The following VSIG10L variants were observed in gnomAD, a reference collection of about 807,000 sequenced individuals.
VSIG10L encodes V-set and immunoglobulin domain containing 10 like.
In VSIG10L, 63 loss-of-function variants were observed where a neutral mutation model predicts 67.3. That is an observed-to-expected ratio of 0.94 (90% confidence interval 0.76 to 1.15). VSIG10L has a LOEUF of 1.15. Ranked by LOEUF, VSIG10L falls within the 50% of genes most tolerant of loss-of-function variation. The pLI, the probability that VSIG10L is intolerant of heterozygous loss-of-function variation, is 0.00. For missense variants in VSIG10L, 1,050 were observed against 1,177.5 expected, an observed-to-expected ratio of 0.89 and a Z score of 1.58; for synonymous variants, 499 against 524.9, an observed-to-expected ratio of 0.95 and a Z score of 0.67.
In VSIG10L at chr19:51,340,645, C is replaced by A. The variant is rs1985613708; in HGVS notation, c.977G>T (p.Gly326Val). The A allele has an allele frequency of 6.5e-7, 1 of 1,533,126 alleles. No individual in the cohort carries two copies. The highest frequency in any genetic ancestry group is 1.4e-5 in the African/African-American group (1 of 73,030). 95.0% of individuals were successfully genotyped at this position (1,533,126 alleles called of 1,614,324 possible). Residue 326 changes from glycine (G) to valine (V), a missense_variant, in exon 3 of 10, where the codon GGG becomes GTG. By Grantham distance (109) the Gly-to-Val change is moderately radical (BLOSUM62 -3). Transcript: ENST00000335624. This position sits in a 1 kb window ranked among gnomAD's most constrained non-coding sequence, Gnocchi z 6.3. ...GAAELRLRCL[G>V]WGPGRGELSW... ...CAGCTCCCCGCGACCTGGCCCCCAC[C>A]CCAGGCAGCGCAGCCGGAGCTCGGC... is the stretch of plus-strand genomic sequence containing the variant.
Position 51,342,061 on chromosome 19 carries a change from G to C in VSIG10L, c.40+24C>G, listed in dbSNP as rs1985655212. The C allele has an allele frequency of 6.4e-7, 1 of 1,551,658 alleles. No homozygotes were observed. The highest frequency in any genetic ancestry group is 2.0e-5 in the Admixed American group (1 of 50,992). On this transcript the variant is annotated intron_variant, in intron 1 of 9. Transcript: ENST00000335624. This position sits in a 1 kb window ranked among gnomAD's most constrained non-coding sequence, Gnocchi z 4.4. ...GAGGCTGCTGAGGGAGACTGACAGG[G>C]AAGGGACTGAGCAGGGAACTTACCC...
At chr19:51,339,533 A>T in intron 4 of VSIG10L, 1 of 236,438 alleles carries the variant, frequency 4.2e-6, no homozygotes, top group Non-Finnish European at 8.1e-6. Context: ...TTTCTAAGAC[A>T]ATTCTGCCCG....
Position 51,332,090 on chromosome 19 carries a change from C to T in VSIG10L, c.*521G>A, listed in dbSNP as rs973503037. The T allele has an allele frequency of 1.2e-5, 2 of 166,798 alleles. No individual in the cohort carries two copies. The highest frequency in any genetic ancestry group is 1.4e-4 in the South Asian group (1 of 7,298). 10.3% of individuals were successfully genotyped at this position (166,798 alleles called of 1,614,324 possible). ...GTCAGGGAGGCCAACAGAGGCCAGA[C>T]CACAAGGTTTTGAAGGTCACGACGA... On this transcript the variant is annotated 3_prime_UTR_variant, in exon 10 of 10. Transcript: ENST00000335624.
Position 51,333,793 on chromosome 19 carries a change from G to C in VSIG10L, c.2572C>G (p.Gln858Glu), listed in dbSNP as rs1599831765. The change falls in exon 9 of 10, where the codon CAA becomes GAA. Residue 858 changes from glutamine to glutamate, a missense_variant and splice_region_variant. By Grantham distance (29) the Gln-to-Glu change is conservative. Coordinates refer to ENST00000335624, the MANE Select transcript of VSIG10L (RefSeq NM_001163922.3). ...GAAATGAGGGCACCCACACTCACTT[G>C]GTAGGCCCTAGTTGAGCTGTGGTCC... ...LEDHSSTRAY[Q>E]AQTPVQLSL The C allele has an allele frequency of 1.3e-6, 2 of 1,543,458 alleles. No individual in the cohort carries two copies. Among genetic ancestry groups the C allele is most frequent in the Non-Finnish European group, 1.7e-6 (2 of 1,144,092 alleles).
intron 8 of VSIG10L, 30 bp downstream of exon 8, chr19:51,334,161 G>A (rs775049125): frequency 4.5e-6 from 7 of 1,549,436 alleles, no homozygotes; most frequent in Non-Finnish European, 6.1e-6. Flanking sequence ...CGTTGGTCAT[G>A]GTTGCCCCTT....
rs6509526 is a variant in VSIG10L, at chr19:51,332,540, G to A, written c.*71C>T. On this transcript the variant is annotated 3_prime_UTR_variant, in exon 10 of 10. Transcript: ENST00000335624. The stretch of plus-strand genomic sequence containing the variant: ...GAAATAGGAAGTTCTGGCCCAAAAC[G>A]CCCTGTGCAGGGCAGACCACTGGCT... The A allele has an allele frequency of 1.5e-3, 2,331 of 1,530,060 alleles. 27 individuals carry two copies. In the African/African-American group the frequency reaches 0.027, roughly 18 times the overall value. The allele number at this position is 1,530,060 out of a possible 1,614,324, so 94.8% of individuals were successfully genotyped here. A position where few individuals can be genotyped will look rare whatever the true frequency, so the allele number is the denominator to read the frequency against.
At position 51,333,864 on chromosome 19, in the gene VSIG10L, G is replaced by T; in HGVS notation, c.2501C>A (p.Thr834Asn). The T allele has an allele frequency of 6.4e-7, 1 of 1,551,716 alleles. No homozygotes were observed. The highest frequency in any genetic ancestry group is 1.2e-5 in the South Asian group (1 of 84,062). ...TPSEKKMHSV[T>N]PVEISWPLDL... ...CAGAGGCCATGAAATCTCCACTGGG[G>T]TCACACTATGCATCTTCTTTTCTGA... is the stretch of plus-strand genomic sequence containing the variant. Residue 834 changes from threonine to asparagine, a missense_variant, in exon 9 of 10, where the codon ACC (threonine) becomes AAC (asparagine). By Grantham distance (65) the Thr-to-Asn change is moderately conservative. Around this residue, in one of 3 missense-constraint regions of VSIG10L, gnomAD observed 529 missense variants for 584.9 expected, o/e 0.90. Coordinates refer to ENST00000335624, the MANE Select transcript of VSIG10L (RefSeq NM_001163922.3).
chr19:51,339,945 T>A, intron 4 of VSIG10L, 70 bp downstream of exon 4: 13 of 1,058,334 alleles, frequency 1.2e-5, no homozygotes, highest in South Asian at 8.0e-5. Flanking sequence ...GCCCCTTTCC[T>A]CTAGCCCCGC....
intron 4 of VSIG10L, among the ~76,000 whole-genome samples, chr19:51,339,451 C>T (rs1409598295): frequency 1.3e-5 from 2 of 152,190 alleles, no homozygotes; most frequent in Non-Finnish European, 2.9e-5. Flanking sequence ...ACTTCGCCCC[C>T]TCCTGGATTG....
In VSIG10L at chr19:51,342,119, G is replaced by A; in HGVS notation, c.6C>T (p.Asp2=). ...GGAAGAGTGGCAGAGCCTGTGGGTT[G>A]TCCATGGTGCTGGCCTCACTGAAAG... M[D]NPQALPLFLL... The change falls in exon 1 of 10, where the codon GAC becomes GAT. Residue 2 remains aspartate (D), a synonymous_variant. Transcript: ENST00000335624. This position sits in a 1 kb window ranked among gnomAD's most constrained non-coding sequence, Gnocchi z 4.4. 3 of 1,551,584 alleles carry A rather than the reference G, an allele frequency of 1.9e-6. No individual in the cohort carries two copies. The highest frequency in any genetic ancestry group is 1.2e-5 in the South Asian group (1 of 84,066).
chr19:51,340,039 A>AGCGGCG lies in VSIG10L; in HGVS notation c.1444_1449dup (p.Arg482_Arg483dup). ...CCCGCCACTGTAAGGTTGAGCAGCGAGCGGCGGCGGCGGCCGGTACGCGGG... is the reference window on the plus strand; with the variant it reads ...CCCGCCACTGTAAGGTTGAGCAGCGAGCGGCGGCGGCGGCGGCGGCCGGTACGCGGG... On this transcript the variant is annotated inframe_insertion, in exon 4 of 10. Transcript: ENST00000335624. This position sits in a 1 kb window ranked among gnomAD's most constrained non-coding sequence, Gnocchi z 6.3. 1 of 1,436,706 alleles carries AGCGGCG rather than the reference A, an allele frequency of 7.0e-7. No homozygotes were observed. 89.0% of individuals were successfully genotyped at this position (1,436,706 alleles called of 1,614,324 possible).
At position 51,342,091 on chromosome 19, in the gene VSIG10L, G is replaced by T; in HGVS notation, c.34C>A (p.Leu12Ile). ...GACTGAGCAGGGAACTTACCCAGGAGTAGGAAGAGTGGCAGAGCCTGTGGG... is the reference window on the plus strand; with the variant it reads ...GACTGAGCAGGGAACTTACCCAGGATTAGGAAGAGTGGCAGAGCCTGTGGG... ...DNPQALPLFL[L>I]LASLVGILTL... The change falls in exon 1 of 10, where the codon CTC becomes ATC. Residue 12 changes from leucine (L) to isoleucine (I), a missense_variant. Physicochemically the swap from Leu to Ile is conservative, Grantham distance 5. Transcript: ENST00000335624. This position sits in a 1 kb window ranked among gnomAD's most constrained non-coding sequence, Gnocchi z 4.4. 1.3e-6 allele frequency: 2 copies of T among 1,551,726 alleles called. No homozygotes were observed. Among genetic ancestry groups the T allele is most frequent in the Non-Finnish European group, 1.7e-6 (2 of 1,147,004 alleles).
chr19:51,332,028 C>A lies in VSIG10L; in HGVS notation c.*583G>T. 6.3e-6 allele frequency: 1 copy of A among 157,556 alleles called. No homozygotes were observed. The allele number at this position is 157,556 out of a possible 1,614,324, so 9.8% of individuals were successfully genotyped here. On this transcript the variant is annotated 3_prime_UTR_variant, in exon 10 of 10. Transcript: ENST00000335624. ...TGTGGCTGAGAGACAGACTGTGATA[C>A]TGGAGTCCGGGGGCAGAGAAAGAAT...
chr19:51,340,863 G>A lies in VSIG10L; in HGVS notation c.896-137C>T, dbSNP rs1985619103. On this transcript the variant is annotated intron_variant, in intron 2 of 9. Coordinates refer to ENST00000335624, the MANE Select transcript of VSIG10L (RefSeq NM_001163922.3). The surrounding 1 kb of genome is among the most constrained non-coding windows in gnomAD (Gnocchi z 6.3). ...CATCCCTCTCCTCTCATAAACCTAT[G>A]AGTTTGAGCCCCCAGACACCTCCTC... The A allele has an allele frequency of 8.4e-7, 1 of 1,195,990 alleles. No homozygotes were observed. Among genetic ancestry groups the A allele is most frequent in the Non-Finnish European group, 1.1e-6 (1 of 900,630 alleles). 74.1% of individuals were successfully genotyped at this position (1,195,990 alleles called of 1,614,324 possible). A position where few individuals can be genotyped will look rare whatever the true frequency, so the allele number is the denominator to read the frequency against.
At chr19:51,338,274 A>T in intron 5 of VSIG10L, 66 bp from the exon 6 acceptor site, 1 of 1,428,884 alleles carries the variant, frequency 7.0e-7, no homozygotes, top group Admixed American at 3.0e-5. Flanking sequence ...AACAGATCCT[A>T]TGCCCTACTT....
At chr19:51,339,711 T>A (rs1985574997) in intron 4 of VSIG10L, 1 of 281,840 alleles carries the variant, frequency 3.5e-6, no homozygotes, top group East Asian at 6.3e-5. Context: ...TGCCCAGGAA[T>A]GTCCGCCCTC....
At position 51,340,038 on chromosome 19, in the gene VSIG10L, G is replaced by A. The variant is rs564220586; in HGVS notation, c.1451C>T (p.Ser484Leu). ...ANPRTGRRRR[S>L]LLNLTVADLP... Reference sequence around the variant, plus strand: ...ACCCGCCACTGTAAGGTTGAGCAGCGAGCGGCGGCGGCGGCCGGTACGCGG... The same window carrying A: ...ACCCGCCACTGTAAGGTTGAGCAGCAAGCGGCGGCGGCGGCCGGTACGCGG... The change falls in exon 4 of 10, where the codon TCG (serine) becomes TTG (leucine). Residue 484 changes from serine (S) to leucine (L), a missense_variant. Ser to Leu is a moderately radical substitution (Grantham distance 145). Around this residue, in one of 3 missense-constraint regions of VSIG10L, gnomAD observed 529 missense variants for 584.9 expected, o/e 0.90. Coordinates refer to ENST00000335624, the MANE Select transcript of VSIG10L (RefSeq NM_001163922.3). The surrounding 1 kb of genome is among the most constrained non-coding windows in gnomAD (Gnocchi z 6.3). 4 of 1,437,154 alleles carry A rather than the reference G, an allele frequency of 2.8e-6. No homozygotes were observed. The East Asian group carries it at 9.1e-5, about 33-fold the overall frequency. 89.0% of individuals were successfully genotyped at this position (1,437,154 alleles called of 1,614,324 possible).
intron 5 of VSIG10L, 113 bp from the exon 6 acceptor site, chr19:51,338,321 C>T (rs936340412): frequency 3.3e-6 from 4 of 1,219,384 alleles, no homozygotes; most frequent in Non-Finnish European, 4.4e-6. Flanking sequence ...GCTTTGGCCA[C>T]CTGAGAAAGA....
chr19:51,337,310 A>G lies in VSIG10L; in HGVS notation c.2233T>C (p.Trp745Arg), dbSNP rs760821961. The stretch of plus-strand genomic sequence containing the variant: ...AGGATGGGCAGGATCCGAAAGGTCC[A>G]GGTCCCTGGGTTCCGAGGTGGAAGG... The part of the protein sequence containing the change: ...VPLPPRNPGT[W>R]TFRILPILGG... The change falls in exon 7 of 10, where the codon TGG becomes CGG. Residue 745 changes from tryptophan to arginine, a missense_variant. Coordinates refer to ENST00000335624, the MANE Select transcript of VSIG10L (RefSeq NM_001163922.3). The G allele has an allele frequency of 1.5e-5, 24 of 1,551,666 alleles. No homozygotes were observed. The South Asian group carries it at 2.5e-4, about 16-fold the overall frequency.
Sources: allele counts gnomAD v4.1 joint callset (sites outside exome capture counted in the v4.1 genomes callset), GRCh38; gene constraint gnomAD v4.1.1; regional missense constraint gnomAD v4.1.1; non-coding constraint Gnocchi (gnomAD v3.1); transcripts MANE v1.5; gene names NCBI Gene and HGNC (gene_info 2026-07-23, HGNC 2026-07-21).